Variants in MTMR9 observed in about 807,000 individuals in gnomAD.
MTMR9 encodes myotubularin related protein 9, also known as myotubularin-related protein 9.
MTMR9 carries 39 observed loss-of-function variants against 69.5 expected under a neutral mutation model. The observed-to-expected ratio is 0.56, with a 90% CI of 0.43 to 0.73. The LOEUF (loss-of-function observed/expected upper bound fraction) is 0.73, where lower values mean the gene tolerates loss of function less well. Among genes scored for constraint, MTMR9 ranks in the 30% least tolerant of loss-of-function variants. MTMR9 has a pLI of 0.00. For missense variants in MTMR9, 900 were observed against 671.2 expected (o/e 1.34, Z -3.77); for synonymous variants, 354 against 240.8 (o/e 1.47, Z -4.35).
In MTMR9 at chr8:11,286,198, C is replaced by T. The variant is rs571954580; in HGVS notation, c.182+1128C>T. Among the ~76,000 whole-genome samples, 40 of 151,888 alleles carry T rather than the reference C, an allele frequency of 2.6e-4. No individual in the cohort carries two copies. In the East Asian group the frequency reaches 5.9e-3, roughly 22 times the overall value. ...TGAACTCCTGACCTCGCAATCCTCC[C>T]GCCTAGGCCTCCCACAGTTCTGGGA... On this transcript the variant is annotated intron_variant, in intron 1 of 9. Transcript: ENST00000221086.
rs1800895547 is a variant in MTMR9, at chr8:11,325,611, A to G, written c.*2823A>G. On this transcript the variant is annotated 3_prime_UTR_variant, in exon 10 of 10. Transcript: ENST00000221086. ...TATTTTTAAAATACAAAGGATCACCACAATCCTCTATTGAACATATAAGGA... is the reference window on the plus strand; with the variant it reads ...TATTTTTAAAATACAAAGGATCACCGCAATCCTCTATTGAACATATAAGGA... 1.3e-5 allele frequency: 2 copies of G among 152,104 alleles called. No individual in the cohort carries two copies. Among genetic ancestry groups the G allele is most frequent in the South Asian group, 4.2e-4 (2 of 4,816 alleles). The allele number at this position is 152,104 out of a possible 1,614,324, so 9.4% of individuals were successfully genotyped here. A position where few individuals can be genotyped will look rare whatever the true frequency, so the allele number is the denominator to read the frequency against.
chr8:11,331,374 C>T (rs377667979), downstream of MTMR9: 38 of 1,613,904 alleles, frequency 2.4e-5, no homozygotes, highest in Middle Eastern at 1.6e-4. Context: ...ACTTAAACTG[C>T]GTGGCGACCC....
chr8:11,297,431 TATAGACTGTTAAATTGAA>T (rs1799600141), intron 2 of MTMR9, among the ~76,000 whole-genome samples: 1 of 152,212 alleles, frequency 6.6e-6, no homozygotes, highest in African/African-American at 2.4e-5. Flanking sequence ...GCATGTAGTT[TATAGACTGTTAAATTGAA>T]ATAATGTCCC....
At chr8:11,330,347 G>A (rs1490316094), downstream of MTMR9, among the ~76,000 whole-genome samples, 9 of 151,574 alleles carry the variant, frequency 5.9e-5, no homozygotes, top group East Asian at 1.4e-3. Context: ...GGTGGGGGGC[G>A]CCTCTGCCCG....
At chr8:11,330,480 G>A (rs1425588993), downstream of MTMR9, among the ~76,000 whole-genome samples, 1 of 152,236 alleles carries the variant, frequency 6.6e-6, no homozygotes, top group African/African-American at 2.4e-5. Flanking sequence ...ATAGAAAAGG[G>A]GGAAAGGTGG....
the MTMR9 span, among the ~76,000 whole-genome samples, chr8:11,333,361 T>A: frequency 2.6e-5 from 4 of 152,334 alleles, no homozygotes; most frequent in Non-Finnish European, 5.9e-5. Flanking sequence ...GTTTAAATGT[T>A]GAAAGAAAAT....
chr8:11,298,751 T>C, intron 2 of MTMR9: 1 of 818,952 alleles, frequency 1.2e-6, no homozygotes, highest in Non-Finnish European at 1.4e-6. Flanking sequence ...ATAGAAATAC[T>C]TTTTTCCATA....
intron 1 of MTMR9, among the ~76,000 whole-genome samples, chr8:11,288,598 C>T (rs1277445134): frequency 6.6e-6 from 1 of 151,934 alleles, no homozygotes; most frequent in South Asian, 2.1e-4. Flanking sequence ...TTGGCATGTG[C>T]AGAGAAGAGC....
At chr8:11,309,929 A>G (rs1800126663) in intron 6 of MTMR9, among the ~76,000 whole-genome samples, 1 of 152,016 alleles carries the variant, frequency 6.6e-6, no homozygotes, top group South Asian at 2.1e-4. Context: ...ATTTTTAAGT[A>G]CTAATGGACC....
intron 2 of MTMR9, chr8:11,298,704 A>T: frequency 1.2e-6 from 1 of 866,770 alleles, no homozygotes; most frequent in Non-Finnish European, 1.4e-6. Context: ...TTGATATGGT[A>T]TCCTTTCCCC....
intron 1 of MTMR9, among the ~76,000 whole-genome samples, chr8:11,285,589 C>T (rs958391615): frequency 6.6e-6 from 1 of 152,150 alleles, no homozygotes; most frequent in Admixed American, 6.5e-5. Context: ...ATTTAATTCT[C>T]ACTAAGGGAG....
chr8:11,321,293 C>T (rs1035297617), intron 9 of MTMR9: 3 of 385,652 alleles, frequency 7.8e-6, no homozygotes, highest in East Asian at 7.3e-5. Flanking sequence ...TGCTTACTTT[C>T]GTGATTGTCG....
chr8:11,314,086 A>G (rs542233511), intron 6 of MTMR9, among the ~76,000 whole-genome samples: 1 of 152,324 alleles, frequency 6.6e-6, no homozygotes, highest in African/African-American at 2.4e-5. Context: ...AAGAGTGAGA[A>G]TAGAGGAAAT....
intron 2 of MTMR9, 63 bp from the exon 3 acceptor site, chr8:11,299,960 A>G (rs1799694885): frequency 6.4e-6 from 10 of 1,563,680 alleles, no homozygotes; most frequent in Non-Finnish European, 8.7e-6. Context: ...CTAATTTGTC[A>G]GTTAGAATAT....
rs528965612 is a variant in MTMR9 at position 11,297,263 on chromosome 8, A to G, written c.291+1961A>G. 4.6e-5 allele frequency among the ~76,000 whole-genome samples: 7 copies of G among 152,354 alleles called. 1 individual carries two copies. The South Asian group carries it at 1.5e-3, about 32-fold the overall frequency. ...AGAGAAATAGAGGAAAAACTGTTAT[A>G]GTGCTAAGTAAATGGTACATAACAC... On this transcript the variant is annotated intron_variant, in intron 2 of 9. Coordinates refer to ENST00000221086, the MANE Select transcript of MTMR9 (RefSeq NM_015458.4).
At chr8:11,300,531 T>G (rs1233039660) in intron 3 of MTMR9, 1 of 152,474 alleles carries the variant, frequency 6.6e-6, no homozygotes, top group East Asian at 1.9e-4. Flanking sequence ...TTTAAAATTT[T>G]TACTAGAAAG....
chr8:11,310,765 C>T (rs1482265904), intron 6 of MTMR9, among the ~76,000 whole-genome samples: 1 of 151,388 alleles, frequency 6.6e-6, no homozygotes, highest in Non-Finnish European at 1.5e-5. Context: ...ACAGAGGCTT[C>T]TGTTTTTTTT....
rs541732067 is a variant in MTMR9 at position 11,314,936 on chromosome 8, A to G, written c.985A>G (p.Ile329Val). ...TTTTCCTATCAGGGAAGGAGCATCA[A>G]TATTGATTCACGGAACAGAAGGAAC... is the stretch of plus-strand genomic sequence containing the variant. ...AQCIDREGASILIHGTEGTDS... is the reference protein window; with the variant it reads ...AQCIDREGASVLIHGTEGTDS... Residue 329 changes from isoleucine to valine, a missense_variant, in exon 7 of 10, where the codon ATA (isoleucine) becomes GTA (valine). Coordinates refer to ENST00000221086, the MANE Select transcript of MTMR9 (RefSeq NM_015458.4). 100 of 1,613,882 alleles carry G rather than the reference A, an allele frequency of 6.2e-5. 1 individual carries two copies. The highest frequency in any genetic ancestry group is 3.4e-4 in the South Asian group (31 of 91,050).
intron 2 of MTMR9, chr8:11,298,720 A>ACGCCCC (rs35471543): frequency 8.2e-6 from 6 of 727,934 alleles, no homozygotes; most frequent in African/African-American, 2.2e-5. Flanking sequence ...TCCCCGCTGC[A>ACGCCCC]CCCCCCCCCC....
Sources: gnomAD v4.1 joint callset for allele counts (sites outside exome capture counted in the v4.1 genomes callset) on GRCh38, gnomAD v4.1.1 for gene constraint, MANE v1.5 for transcripts, NCBI Gene and HGNC (gene_info 2026-07-23, HGNC 2026-07-21) for gene names.